The following HMGA2 variants were observed in gnomAD, a reference collection of about 807,000 sequenced individuals.
HMGA2 encodes high mobility group protein HMGI-C.
HMGA2 carries 8 observed loss-of-function variants against 19.1 expected under a neutral mutation model. The ratio of observed to expected loss-of-function variants is 0.42; its 90% CI spans 0.25 to 0.76. The LOEUF (loss-of-function observed/expected upper bound fraction) is 0.76, where lower values mean the gene tolerates loss of function less well. Among genes scored for constraint, HMGA2 ranks in the 30% least tolerant of loss-of-function variants. HMGA2 has a pLI of 0.28. For synonymous variants in HMGA2, 60 were observed against 48.8 expected (o/e 1.23, Z -0.96); for missense variants, 109 against 136.3 (o/e 0.80, Z 1.00).
At chr12:65,830,525 A>C (rs980658686) in intron 2 of HMGA2, among the ~76,000 whole-genome samples, 1 of 151,930 alleles carries the variant, frequency 6.6e-6, no homozygotes, top group Non-Finnish European at 1.5e-5. Context: ...CATTGCAAAG[A>C]CTGGTAAGTA....
intron 3 of HMGA2, chr12:65,859,327 G>T (rs992829231): frequency 6.6e-6 from 1 of 152,162 alleles, no homozygotes; most frequent in Non-Finnish European, 1.5e-5. Flanking sequence ...TGCACACTTT[G>T]TCTCTCCCCT....
intron 3 of HMGA2, among the ~76,000 whole-genome samples, chr12:65,867,124 A>G (rs1872464655): frequency 6.6e-6 from 1 of 152,240 alleles, no homozygotes; most frequent in Non-Finnish European, 1.5e-5. Context: ...ACTAGCTCAC[A>G]TAATGACAAA....
intron 3 of HMGA2, among the ~76,000 whole-genome samples, chr12:65,848,731 C>A (rs1032425817): frequency 6.6e-6 from 1 of 152,078 alleles, no homozygotes; most frequent in Non-Finnish European, 1.5e-5. Flanking sequence ...TGGCGGGCGC[C>A]TGTAGTCCCA....
chr12:65,904,049 G>A (rs1286297174), intron 3 of HMGA2, among the ~76,000 whole-genome samples: 3 of 152,254 alleles, frequency 2.0e-5, no homozygotes, highest in Non-Finnish European at 4.4e-5. Context: ...TCCATGAGCA[G>A]TAATGATAAT....
intron 3 of HMGA2, among the ~76,000 whole-genome samples, chr12:65,902,057 T>A (rs1874393798): frequency 6.6e-6 from 1 of 152,220 alleles, no homozygotes; most frequent in South Asian, 2.1e-4. Flanking sequence ...GAAACGACTA[T>A]GTAGCAAACT....
chr12:65,843,645 C>G (rs1432836032), intron 3 of HMGA2: 1 of 164,072 alleles, frequency 6.1e-6, no homozygotes, highest in East Asian at 1.3e-4. Flanking sequence ...TACTGTTTCC[C>G]TCCAGAGAGG....
chr12:65,889,734 A>T (rs576970004), intron 3 of HMGA2, among the ~76,000 whole-genome samples: 1 of 152,220 alleles, frequency 6.6e-6, no homozygotes, highest in African/African-American at 2.4e-5. Flanking sequence ...ACAGCAACTC[A>T]GTGCGGTAGA....
In HMGA2 at chr12:65,935,627, T is replaced by G. The variant is rs542811904; in HGVS notation, c.250-15756T>G. On this transcript the variant is annotated intron_variant, in intron 3 of 4. Transcript: ENST00000403681. ...CAGCCTAAGCATACTAAAGGTAGTTTGTAAGCAACACATAACTTTGAACAT... is the reference window on the plus strand; with the variant it reads ...CAGCCTAAGCATACTAAAGGTAGTTGGTAAGCAACACATAACTTTGAACAT... Among the ~76,000 whole-genome samples, 25 of 152,346 alleles carry G rather than the reference T, an allele frequency of 1.6e-4. No individual in the cohort carries two copies. The South Asian group carries it at 5.2e-3, about 32-fold the overall frequency.
intron 3 of HMGA2, among the ~76,000 whole-genome samples, chr12:65,893,821 A>G (rs1226577484): frequency 6.6e-6 from 1 of 152,234 alleles, no homozygotes; most frequent in African/African-American, 2.4e-5. Flanking sequence ...GGCAAAACTG[A>G]TATTTGACTT....
intron 3 of HMGA2, among the ~76,000 whole-genome samples, chr12:65,921,361 G>A (rs1270707327): frequency 6.6e-6 from 1 of 152,108 alleles, no homozygotes; most frequent in East Asian, 1.9e-4. Flanking sequence ...CCGGGTTCAC[G>A]CCATTCTCCT....
chr12:65,948,720 GGTAGC>G, intron 3 of HMGA2, among the ~76,000 whole-genome samples: 1 of 152,170 alleles, frequency 6.6e-6, no homozygotes, highest in Admixed American at 6.6e-5. Flanking sequence ...TGTGTCTGAG[GGTAGC>G]TGGTAGAAGT....
chr12:65,829,566 A>G (rs1870384065), intron 2 of HMGA2, among the ~76,000 whole-genome samples: 1 of 152,048 alleles, frequency 6.6e-6, no homozygotes, highest in African/African-American at 2.4e-5. Flanking sequence ...TAGATAGCTG[A>G]CACGCATTTA....
At chr12:65,845,364 G>C (rs956357868) in intron 3 of HMGA2, among the ~76,000 whole-genome samples, 5 of 152,088 alleles carry the variant, frequency 3.3e-5, no homozygotes, top group East Asian at 1.9e-4. Flanking sequence ...TGCCTCCCGG[G>C]TTCAAGTGAT....
chr12:65,923,514 C>G (rs1418037725), intron 3 of HMGA2, among the ~76,000 whole-genome samples: 3 of 152,182 alleles, frequency 2.0e-5, no homozygotes, highest in African/African-American at 7.2e-5. Flanking sequence ...CCCTTGCCAG[C>G]TACAGCACTG....
chr12:65,855,439 TTCTCTC>T (rs796480425), intron 3 of HMGA2, among the ~76,000 whole-genome samples: 25 of 116,762 alleles, frequency 2.1e-4, no homozygotes, highest in Admixed American at 1.5e-3. Flanking sequence ...CTCTTTCTCT[TTCTCTC>T]TCTCTCTCTC....
chr12:65,932,253 A>T (rs750952920), intron 3 of HMGA2, among the ~76,000 whole-genome samples: 2 of 152,186 alleles, frequency 1.3e-5, no homozygotes, highest in Non-Finnish European at 2.9e-5. Context: ...TTTAACTTCA[A>T]ATTTTGTTAA....
chr12:65,857,840 A>G (rs1423781465), intron 3 of HMGA2: 5 of 152,370 alleles, frequency 3.3e-5, no homozygotes, highest in Admixed American at 1.3e-4. Flanking sequence ...CCCATTTCCT[A>G]TAATCTTACA....
rs565798879 is a variant in HMGA2 at position 65,964,493 on chromosome 12, C to G, written c.*1201C>G. 9.6e-5 allele frequency: 21 copies of G among 219,332 alleles called. No homozygotes were observed. Among genetic ancestry groups the G allele is most frequent in the Non-Finnish European group, 1.6e-4 (17 of 109,102 alleles). The allele number at this position is 219,332 out of a possible 1,614,324, so 13.6% of individuals were successfully genotyped here. A position where few individuals can be genotyped will look rare whatever the true frequency, so the allele number is the denominator to read the frequency against. On this transcript the variant is annotated 3_prime_UTR_variant, in exon 5 of 5. Transcript: ENST00000403681. ...TTTCTTCGGCTTGAGTTCACCATCT[C>G]TTCATTCAAACTGCACTTTTAGCCA...
chr12:65,940,716 C>T (rs1876064693), intron 3 of HMGA2, among the ~76,000 whole-genome samples: 1 of 152,180 alleles, frequency 6.6e-6, no homozygotes, highest in African/African-American at 2.4e-5. Context: ...TGGAGCTATA[C>T]AACCTGGGTG....
Sources: allele counts gnomAD v4.1 joint callset (sites outside exome capture counted in the v4.1 genomes callset), GRCh38; gene constraint gnomAD v4.1.1; transcripts MANE v1.5; gene names NCBI Gene and HGNC (gene_info 2026-07-23, HGNC 2026-07-21).